TMEM131: variants seen among roughly 807,000 people sequenced by gnomAD.
TMEM131 encodes 2610524E03Rik.
TMEM131 carries 66 observed loss-of-function variants against 211.6 expected under a neutral mutation model. That is an observed-to-expected ratio of 0.31 (90% confidence interval 0.26 to 0.38). The LOEUF is 0.38. Among genes scored for constraint, TMEM131 ranks in the 10% least tolerant of loss-of-function variants. The pLI, the probability that TMEM131 is intolerant of heterozygous loss-of-function variation, is 1.00. For missense variants in TMEM131, 2,036 were observed against 2,299.3 expected (o/e 0.89, Z 2.34); for synonymous variants, 844 against 841.3 (o/e 1.00, Z -0.06).
intron 36 of TMEM131, 75 bp downstream of exon 36, chr2:97,761,960 T>C: frequency 2.1e-6 from 3 of 1,438,194 alleles, no homozygotes; most frequent in Non-Finnish European, 2.8e-6. Flanking sequence ...CGCTAAGTGT[T>C]TCCATTTAAA....
chr2:97,959,112 A>G (rs1054360328), intron 1 of TMEM131, among the ~76,000 whole-genome samples: 2 of 152,234 alleles, frequency 1.3e-5, no homozygotes, highest in African/African-American at 4.8e-5. Flanking sequence ...TGAGTGGCAG[A>G]GAGAAGCCAG....
chr2:97,969,086 C>CAA (rs397698283), intron 1 of TMEM131, among the ~76,000 whole-genome samples: 246 of 140,886 alleles, frequency 1.7e-3, no homozygotes, highest in African/African-American at 3.0e-3. Context: ...GACTCTGTTT[C>CAA]AAAAAAAAAA....
At chr2:97,841,022 T>A (rs545900924) in intron 7 of TMEM131, among the ~76,000 whole-genome samples, 1 of 152,324 alleles carries the variant, frequency 6.6e-6, no homozygotes, top group African/African-American at 2.4e-5. Context: ...CCACAAAATA[T>A]AGTATTTTTC....
rs1681583357 is a variant in TMEM131 at position 97,812,314 on chromosome 2, T to A, written c.1863+107A>T. ...TTTAATAGCAAGTAACCAACACTATTATGAACTGCATAAAAATAATAGTGA... is the reference window on the plus strand; with the variant it reads ...TTTAATAGCAAGTAACCAACACTATAATGAACTGCATAAAAATAATAGTGA... On this transcript the variant is annotated intron_variant, in intron 17 of 40. Transcript: ENST00000186436. 7.7e-6 allele frequency: 10 copies of A among 1,300,162 alleles called. No individual in the cohort carries two copies. In the South Asian group the frequency reaches 1.5e-4, roughly 20 times the overall value. The allele number at this position is 1,300,162 out of a possible 1,614,324, so 80.5% of individuals were successfully genotyped here. A position where few individuals can be genotyped will look rare whatever the true frequency, so the allele number is the denominator to read the frequency against.
intron 1 of TMEM131, among the ~76,000 whole-genome samples, chr2:97,951,584 T>C (rs1439732575): frequency 1.3e-5 from 2 of 152,200 alleles, no homozygotes; most frequent in African/African-American, 4.8e-5. Flanking sequence ...TCCCTTTTCC[T>C]GATCCTTTGG....
At chr2:97,822,528 C>CT (rs1288021562) in intron 11 of TMEM131, among the ~76,000 whole-genome samples, 2 of 152,136 alleles carry the variant, frequency 1.3e-5, no homozygotes, top group African/African-American at 4.8e-5. Context: ...GCTTAGAACT[C>CT]TAACAGGTTT....
intron 11 of TMEM131, among the ~76,000 whole-genome samples, chr2:97,828,182 C>T (rs1191851559): frequency 6.6e-6 from 1 of 151,976 alleles, no homozygotes; most frequent in Non-Finnish European, 1.5e-5. Context: ...TACTTGATAG[C>T]CTCTTAAGGA....
chr2:97,961,793 T>C (rs1573620622), intron 1 of TMEM131, among the ~76,000 whole-genome samples: 1 of 152,312 alleles, frequency 6.6e-6, no homozygotes, highest in East Asian at 1.9e-4. Flanking sequence ...ATGAAAGTCT[T>C]TTCATAAATT....
At chr2:97,972,490 G>GGGCA (rs1348797017) in intron 1 of TMEM131, among the ~76,000 whole-genome samples, 1 of 149,784 alleles carries the variant, frequency 6.7e-6, no homozygotes, top group East Asian at 1.9e-4. Context: ...GAGGGAAGGC[G>GGGCA]GGCAGGCAGG....
chr2:97,849,689 G>C (rs1683609923), intron 5 of TMEM131, among the ~76,000 whole-genome samples: 1 of 144,432 alleles, frequency 6.9e-6, no homozygotes. Flanking sequence ...ATATATGTGT[G>C]TGTCTGTGTG....
At chr2:97,930,073 A>G (rs1677154970) in intron 1 of TMEM131, among the ~76,000 whole-genome samples, 1 of 151,868 alleles carries the variant, frequency 6.6e-6, no homozygotes. Context: ...CAGGATCCAG[A>G]GAATTTTTTG....
intron 31 of TMEM131, among the ~76,000 whole-genome samples, chr2:97,788,750 T>G (rs1194187439): frequency 1.3e-5 from 2 of 152,172 alleles, no homozygotes; most frequent in Non-Finnish European, 2.9e-5. Flanking sequence ...GCAGTGCCAG[T>G]CACCAGGGTG....
intron 11 of TMEM131, among the ~76,000 whole-genome samples, chr2:97,831,282 A>G (rs192025290): frequency 1.6e-4 from 24 of 152,348 alleles, no homozygotes; most frequent in African/African-American, 5.8e-4. Flanking sequence ...TACACTTAGA[A>G]TAAAATCTAA....
chr2:97,944,618 AAAGAC>A (rs1677949164), intron 1 of TMEM131, among the ~76,000 whole-genome samples: 1 of 152,220 alleles, frequency 6.6e-6, no homozygotes, highest in Admixed American at 6.5e-5. Context: ...GCAATGAATA[AAAGAC>A]AAACCTCCCA....
At chr2:97,925,131 C>G (rs997020443) in intron 2 of TMEM131, among the ~76,000 whole-genome samples, 8 of 152,134 alleles carry the variant, frequency 5.3e-5, no homozygotes, top group African/African-American at 1.9e-4. Flanking sequence ...CTCAGCCTCC[C>G]AAGGTGTTGG....
At chr2:97,867,463 T>C (rs747711100) in intron 4 of TMEM131, among the ~76,000 whole-genome samples, 9 of 152,234 alleles carry the variant, frequency 5.9e-5, no homozygotes, top group Non-Finnish European at 1.2e-4. Flanking sequence ...AGTAACTTTT[T>C]GGTTTTAAAG....
chr2:97,971,375 A>G (rs192584778), intron 1 of TMEM131, among the ~76,000 whole-genome samples: 25 of 152,340 alleles, frequency 1.6e-4, no homozygotes, highest in African/African-American at 5.8e-4. Flanking sequence ...GGAAGGGGGG[A>G]AAATATACCA....
At chr2:97,887,301 T>C (rs1278018715) in intron 4 of TMEM131, among the ~76,000 whole-genome samples, 1 of 151,430 alleles carries the variant, frequency 6.6e-6, no homozygotes, top group Non-Finnish European at 1.5e-5. Flanking sequence ...CCCACAGGGC[T>C]ATTTCTTAGG....
At chr2:97,905,489 A>T (rs116386091) in intron 3 of TMEM131, among the ~76,000 whole-genome samples, 3,353 of 152,082 alleles carry the variant, frequency 0.022, 63 homozygotes, top group Middle Eastern at 0.065. Flanking sequence ...ATTCCTAGGA[A>T]CTCACTTAGA....
Sources: gnomAD v4.1 joint callset for allele counts (sites outside exome capture counted in the v4.1 genomes callset) on GRCh38, gnomAD v4.1.1 for gene constraint, MANE v1.5 for transcripts, NCBI Gene and HGNC (gene_info 2026-07-23, HGNC 2026-07-21) for gene names.